The following CNTNAP2 variants were observed in gnomAD, a reference collection of about 807,000 sequenced individuals.
CNTNAP2 encodes contactin associated protein 2.
In CNTNAP2, 98 loss-of-function variants were observed where a neutral mutation model predicts 155.2. The observed-to-expected ratio is 0.63, with a 90% CI of 0.54 to 0.75. CNTNAP2 has a LOEUF of 0.75. Ranked by LOEUF, CNTNAP2 falls within the 30% of genes least tolerant of loss-of-function variation. The pLI, the probability that CNTNAP2 is intolerant of heterozygous loss-of-function variation, is 0.00. For missense variants in CNTNAP2, 1,727 were observed against 1,688.1 expected (o/e 1.02, Z -0.40); for synonymous variants, 651 against 631.2 (o/e 1.03, Z -0.47).
chr7:147,924,143 C>CTTTTTTTTTTTTTTTTTTT (rs71527854), intron 14 of CNTNAP2, among the ~76,000 whole-genome samples: 3 of 123,488 alleles, frequency 2.4e-5, no homozygotes, highest in Non-Finnish European at 4.9e-5. Flanking sequence ...CTTTTCTTTT[C>CTTTTTTTTTTTTTTTTTTT]TTTTTTTTTT....
chr7:148,331,750 A>G (rs7456482), intron 21 of CNTNAP2, among the ~76,000 whole-genome samples: 385 of 3,152 alleles, frequency 0.12, 31 homozygotes, highest in African/African-American at 0.14. Flanking sequence ...GATGGATGGA[A>G]CGGACGGATG....
chr7:146,427,679 T>C (rs192627403), intron 1 of CNTNAP2, among the ~76,000 whole-genome samples: 16 of 152,336 alleles, frequency 1.1e-4, no homozygotes, highest in Admixed American at 1.0e-3. Flanking sequence ...TTACATACGT[T>C]ATTTTGTCTA....
intron 14 of CNTNAP2, among the ~76,000 whole-genome samples, chr7:147,973,909 T>G (rs1339233653): frequency 6.6e-6 from 1 of 152,186 alleles, no homozygotes; most frequent in Non-Finnish European, 1.5e-5. Flanking sequence ...TCTCACTTAA[T>G]GATTATTATT....
At chr7:148,387,536 T>C (rs1378613120) in intron 22 of CNTNAP2, among the ~76,000 whole-genome samples, 1 of 152,128 alleles carries the variant, frequency 6.6e-6, no homozygotes, top group Non-Finnish European at 1.5e-5. Flanking sequence ...GCCTTGGAAG[T>C]TTATTCCTCA....
At chr7:147,350,654 T>C (rs1398057802) in intron 9 of CNTNAP2, among the ~76,000 whole-genome samples, 4 of 151,834 alleles carry the variant, frequency 2.6e-5, no homozygotes, top group Non-Finnish European at 5.9e-5. Flanking sequence ...GTTTCTCCCC[T>C]TCAGTGCTGC....
chr7:146,667,152 G>A (rs1800209971), intron 1 of CNTNAP2, among the ~76,000 whole-genome samples: 2 of 152,132 alleles, frequency 1.3e-5, no homozygotes, highest in South Asian at 4.1e-4. Context: ...ATTTTGAGTT[G>A]AGCTTTGTAT....
intron 19 of CNTNAP2, among the ~76,000 whole-genome samples, chr7:148,225,623 G>A (rs191400613): frequency 6.6e-6 from 1 of 152,326 alleles, no homozygotes; most frequent in Admixed American, 6.5e-5. Context: ...ACCGTGTGGT[G>A]AGGACACTGT....
chr7:146,540,834 A>G (rs1797942219), intron 1 of CNTNAP2, among the ~76,000 whole-genome samples: 1 of 152,030 alleles, frequency 6.6e-6, no homozygotes, highest in African/African-American at 2.4e-5. Flanking sequence ...TTGAGGGGAA[A>G]TGTTGTCATT....
intron 1 of CNTNAP2, among the ~76,000 whole-genome samples, chr7:146,297,268 T>C (rs1250918238): frequency 1.3e-5 from 2 of 152,132 alleles, no homozygotes; most frequent in African/African-American, 2.4e-5. Flanking sequence ...GTATGTTTTC[T>C]TGTTCCATAA....
At chr7:148,328,372 A>G (rs1797927289) in intron 21 of CNTNAP2, among the ~76,000 whole-genome samples, 1 of 152,096 alleles carries the variant, frequency 6.6e-6, no homozygotes, top group East Asian at 1.9e-4. Context: ...GGCAGCAGGG[A>G]CAAAATTAGG....
chr7:146,677,632 C>A (rs1352642237), intron 1 of CNTNAP2, among the ~76,000 whole-genome samples: 1 of 151,872 alleles, frequency 6.6e-6, no homozygotes, highest in Non-Finnish European at 1.5e-5. Flanking sequence ...GTCTGTTGTT[C>A]CGAGGAGTGC....
rs376452864 is a variant in CNTNAP2 at position 147,083,704 on chromosome 7, T to C, written c.551-24443T>C. Among the ~76,000 whole-genome samples, 66 of 144,928 alleles carry C rather than the reference T, an allele frequency of 4.6e-4. 1 individual carries two copies. In the South Asian group the frequency reaches 0.014, roughly 31 times the overall value. ...ATATATGATACATAGATATATAATGTATTATATATTTATATAGCATGTGTA... is the reference window on the plus strand; with the variant it reads ...ATATATGATACATAGATATATAATGCATTATATATTTATATAGCATGTGTA... On this transcript the variant is annotated intron_variant, in intron 4 of 23. Coordinates refer to ENST00000361727, the MANE Select transcript of CNTNAP2 (RefSeq NM_014141.6).
Position 146,555,492 on chromosome 7 carries a change from GTCTGTCTATCTATCTATCTA to G in CNTNAP2, c.98-218775_98-218756del, listed in dbSNP as rs1299255960. 2.6e-3 allele frequency among the ~76,000 whole-genome samples: 220 copies of G among 84,660 alleles called. 3 individuals are homozygous for G. The highest frequency in any genetic ancestry group is 8.0e-3 in the East Asian group (37 of 4,604). The allele number at this position is 84,660 out of a possible 152,430, so 55.5% of individuals were successfully genotyped here. A position where few individuals can be genotyped will look rare whatever the true frequency, so the allele number is the denominator to read the frequency against. On this transcript the variant is annotated intron_variant, in intron 1 of 23. Coordinates refer to ENST00000361727, the MANE Select transcript of CNTNAP2 (RefSeq NM_014141.6). ...ATATGTAATCTACTCTGTATCATCT[GTCTGTCTATCTATCTATCTA>G]TCTATCTATCTATCTATCTATCTAT...
chr7:147,324,693 C>CT (rs148668462), intron 9 of CNTNAP2, among the ~76,000 whole-genome samples: 6 of 151,102 alleles, frequency 4.0e-5, no homozygotes, highest in South Asian at 2.1e-4. Context: ...TTTATTTTTA[C>CT]TTTTTTTTTC....
intron 3 of CNTNAP2, among the ~76,000 whole-genome samples, chr7:146,971,486 C>T (rs745465825): frequency 1.3e-5 from 2 of 152,066 alleles, no homozygotes; most frequent in Non-Finnish European, 1.5e-5. Flanking sequence ...TATTTGGGCT[C>T]GTATAGCAAA....
chr7:147,739,141 G>GTT (rs78880175), intron 13 of CNTNAP2, among the ~76,000 whole-genome samples: 42 of 136,290 alleles, frequency 3.1e-4, no homozygotes, highest in Admixed American at 5.9e-4. Flanking sequence ...TCTCTCTGAA[G>GTT]TTTTTTTTTT....
chr7:146,818,278 C>T (rs368161669), intron 2 of CNTNAP2, among the ~76,000 whole-genome samples: 1 of 152,084 alleles, frequency 6.6e-6, no homozygotes, highest in East Asian at 1.9e-4. Context: ...TGGTGCATGA[C>T]GATTTTAGCC....
intron 1 of CNTNAP2, among the ~76,000 whole-genome samples, chr7:146,435,395 G>T (rs894153152): frequency 2.6e-5 from 4 of 152,146 alleles, no homozygotes; most frequent in Admixed American, 2.0e-4. Context: ...CCAATATTTT[G>T]AGTTTCCATT....
At chr7:146,180,636 C>T (rs764767477) in intron 1 of CNTNAP2, among the ~76,000 whole-genome samples, 2 of 152,154 alleles carry the variant, frequency 1.3e-5, no homozygotes, top group Non-Finnish European at 2.9e-5. Context: ...CAACAGCCCT[C>T]TCTATACTAG....
Sources: gnomAD v4.1 joint callset for allele counts (sites outside exome capture counted in the v4.1 genomes callset) on GRCh38, gnomAD v4.1.1 for gene constraint, MANE v1.5 for transcripts, NCBI Gene and HGNC (gene_info 2026-07-23, HGNC 2026-07-21) for gene names.